The following PRKN variants were observed in gnomAD, a reference collection of about 807,000 sequenced individuals.
PRKN encodes parkin RBR E3 ubiquitin protein ligase.
A neutral mutation model predicts 59.5 loss-of-function variants in PRKN; 56 were observed. That is an observed-to-expected ratio of 0.94 (90% CI 0.76 to 1.18). The LOEUF (loss-of-function observed/expected upper bound fraction) is 1.18, where lower values mean the gene tolerates loss of function less well. PRKN is among the 50% of genes most tolerant of loss of function. The pLI is 0.00. For synonymous variants in PRKN, 250 were observed against 222.1 expected, an observed-to-expected ratio of 1.13 and a Z score of -1.12; for missense variants, 657 against 596.4, an observed-to-expected ratio of 1.10 and a Z score of -1.06.
chr6:162,211,763 T>A (rs1423303438), intron 3 of PRKN, among the ~76,000 whole-genome samples: 1 of 152,220 alleles, frequency 6.6e-6, no homozygotes, highest in Non-Finnish European at 1.5e-5. Flanking sequence ...GCTTTAAGCA[T>A]CTTATTTCAC....
At chr6:162,295,585 A>G (rs952671932) in intron 2 of PRKN, among the ~76,000 whole-genome samples, 4 of 152,162 alleles carry the variant, frequency 2.6e-5, no homozygotes, top group African/African-American at 9.7e-5. Flanking sequence ...TTGTCCAATA[A>G]TTTCAGCAAA....
At chr6:161,885,245 C>T (rs1795090715) in intron 6 of PRKN, among the ~76,000 whole-genome samples, 1 of 152,094 alleles carries the variant, frequency 6.6e-6, no homozygotes, top group South Asian at 2.1e-4. Flanking sequence ...TCTTCACTGC[C>T]CAGGGCATCT....
intron 1 of PRKN, among the ~76,000 whole-genome samples, chr6:162,500,172 CTTT>C (rs36107785): frequency 1.5e-4 from 20 of 133,918 alleles, no homozygotes; most frequent in Non-Finnish European, 1.1e-4. Flanking sequence ...CTCTTTTCTT[CTTT>C]TTTTTTTTTT....
intron 1 of PRKN, among the ~76,000 whole-genome samples, chr6:162,475,439 T>G (rs1401694797): frequency 2.0e-5 from 3 of 151,662 alleles, no homozygotes; most frequent in Non-Finnish European, 4.4e-5. Context: ...AAGAGAAACT[T>G]GGAGGAGGAA....
At chr6:161,595,494 C>G (rs1162700148) in intron 7 of PRKN, among the ~76,000 whole-genome samples, 1 of 152,238 alleles carries the variant, frequency 6.6e-6, no homozygotes, top group Non-Finnish European at 1.5e-5. Context: ...TTCACAATCT[C>G]TTTCCACGCA....
At chr6:162,104,351 T>C (rs948376968) in intron 4 of PRKN, among the ~76,000 whole-genome samples, 3 of 152,142 alleles carry the variant, frequency 2.0e-5, no homozygotes, top group African/African-American at 7.2e-5. Context: ...CAAAATGCAA[T>C]AGGGAATCTA....
At chr6:162,443,262 G>C (rs376179201) in intron 2 of PRKN, 48 bp downstream of exon 2, 1 of 1,595,272 alleles carries the variant, frequency 6.3e-7, no homozygotes, top group Non-Finnish European at 8.6e-7. Context: ...GGCGGCATGA[G>C]CAATGGAGCT....
intron 3 of PRKN, among the ~76,000 whole-genome samples, chr6:162,212,766 C>G (rs1048694814): frequency 1.3e-5 from 2 of 152,174 alleles, no homozygotes; most frequent in Non-Finnish European, 2.9e-5. Flanking sequence ...CAGCTGGGCC[C>G]TATGGTACAG....
At chr6:162,063,080 G>T (rs981987553) in intron 4 of PRKN, among the ~76,000 whole-genome samples, 1 of 152,082 alleles carries the variant, frequency 6.6e-6, no homozygotes, top group Non-Finnish European at 1.5e-5. Context: ...TTCTTGTAAG[G>T]ACACAGAAGG....
chr6:162,254,925 C>T (rs901954142), intron 3 of PRKN, among the ~76,000 whole-genome samples: 9 of 151,856 alleles, frequency 5.9e-5, no homozygotes, highest in African/African-American at 9.7e-5. Flanking sequence ...TGGAAAACAA[C>T]GAAAATGTAA....
intron 2 of PRKN, among the ~76,000 whole-genome samples, chr6:162,282,174 C>G (rs1780938328): frequency 6.6e-6 from 1 of 152,152 alleles, no homozygotes; most frequent in Non-Finnish European, 1.5e-5. Flanking sequence ...GGCAAAAGCA[C>G]TGCATGAGTA....
chr6:162,682,739 C>T (rs1779819180), intron 1 of PRKN, among the ~76,000 whole-genome samples: 1 of 151,840 alleles, frequency 6.6e-6, no homozygotes, highest in African/African-American at 2.4e-5. Context: ...GCAATTTACC[C>T]ATGTAACAAA....
At chr6:161,980,836 C>A (rs1033491417) in intron 5 of PRKN, among the ~76,000 whole-genome samples, 5 of 152,192 alleles carry the variant, frequency 3.3e-5, no homozygotes, top group South Asian at 2.1e-4. Flanking sequence ...CGAGGTGGAC[C>A]CTGTGTGAGA....
At chr6:162,358,059 T>C (rs1784951709) in intron 2 of PRKN, among the ~76,000 whole-genome samples, 2 of 152,202 alleles carry the variant, frequency 1.3e-5, no homozygotes, top group Non-Finnish European at 2.9e-5. Flanking sequence ...ATGGAAGCTA[T>C]GGACTGTAGT....
intron 6 of PRKN, among the ~76,000 whole-genome samples, chr6:161,929,430 G>A (rs1208101445): frequency 3.3e-5 from 5 of 151,622 alleles, no homozygotes; most frequent in Admixed American, 3.3e-4. Context: ...AAACTAGATA[G>A]AAGTGGTGCT....
Position 161,451,520 on chromosome 6 carries a change from G to A in PRKN, c.1084-64643C>T, listed in dbSNP as rs977404097. On this transcript the variant is annotated intron_variant, in intron 9 of 11. Coordinates refer to ENST00000366898, the MANE Select transcript of PRKN (RefSeq NM_004562.3). This position sits in a 1 kb window ranked among gnomAD's most constrained non-coding sequence, Gnocchi z 5.9. ...CCACCTGCCCACGGCCCACCTGAGGGAACCTGCTGCCCACAGCCTCTGCTC... is the reference window on the plus strand; with the variant it reads ...CCACCTGCCCACGGCCCACCTGAGGAAACCTGCTGCCCACAGCCTCTGCTC... Among the ~76,000 whole-genome samples the A allele has an allele frequency of 1.3e-5, 2 of 152,158 alleles. No homozygotes were observed. The highest frequency in any genetic ancestry group is 2.4e-5 in the African/African-American group (1 of 41,434).
chr6:162,445,859 C>T (rs1396023551), intron 1 of PRKN, among the ~76,000 whole-genome samples: 3 of 151,948 alleles, frequency 2.0e-5, no homozygotes, highest in East Asian at 1.9e-4. Context: ...AGCAAAGGAC[C>T]GTGAACAATA....
intron 2 of PRKN, among the ~76,000 whole-genome samples, chr6:162,334,120 G>C (rs1168591490): frequency 6.6e-6 from 1 of 152,176 alleles, no homozygotes; most frequent in Non-Finnish European, 1.5e-5. Context: ...TGGTTCATGA[G>C]GATTAAGGAA....
chr6:161,645,982 T>C (rs12205223), intron 7 of PRKN, among the ~76,000 whole-genome samples: 10,926 of 105,898 alleles, frequency 0.1, 834 homozygotes, highest in Middle Eastern at 0.19. Flanking sequence ...GGTCACTGCG[T>C]GTGCGTGCGT....
Sources: allele counts gnomAD v4.1 joint callset (sites outside exome capture counted in the v4.1 genomes callset), GRCh38; gene constraint gnomAD v4.1.1; non-coding constraint Gnocchi (gnomAD v3.1); transcripts MANE v1.5; gene names NCBI Gene and HGNC (gene_info 2026-07-23, HGNC 2026-07-21).